PRR5L: variants seen among roughly 807,000 people sequenced by gnomAD.
PRR5L encodes proline rich 5 like.
Under a neutral mutation model 36.4 loss-of-function variants are expected in PRR5L, and 21 were observed. That is an observed-to-expected ratio of 0.58 (90% CI 0.41 to 0.83). The LOEUF (loss-of-function observed/expected upper bound fraction) is 0.83. PRR5L is among the 40% of genes least tolerant of loss of function. The pLI, the probability that PRR5L is intolerant of heterozygous loss-of-function variation, is 0.00. For missense variants in PRR5L, 381 were observed against 473.3 expected (o/e 0.80, Z 1.81); for synonymous variants, 188 against 197.0 (o/e 0.95, Z 0.38).
intron 2 of PRR5L, among the ~76,000 whole-genome samples, chr11:36,401,688 C>T (rs1260079809): frequency 6.6e-6 from 1 of 152,176 alleles, no homozygotes; most frequent in Non-Finnish European, 1.5e-5. Flanking sequence ...CCACCTCGGC[C>T]TTCCAAAGCG....
At position 36,448,156 on chromosome 11, in the gene PRR5L, C is replaced by T. The variant is rs115066747; in HGVS notation, c.585+1716C>T. Among the ~76,000 whole-genome samples the T allele has an allele frequency of 8.7e-3, 1,325 of 152,164 alleles. 22 individuals carry two copies. The highest frequency in any genetic ancestry group is 0.029 in the African/African-American group (1,205 of 41,492). On this transcript the variant is annotated intron_variant, in intron 7 of 8. Coordinates refer to ENST00000530639, the MANE Select transcript of PRR5L (RefSeq NM_001160167.2). Reference sequence around the variant, plus strand: ...CTGTGTCTATCACATTCCAACATTCCGGGCCCTGTGCCAGGTAGCCCTGCA... The same window carrying T: ...CTGTGTCTATCACATTCCAACATTCTGGGCCCTGTGCCAGGTAGCCCTGCA...
At chr11:36,300,438 C>T (rs907113815) in intron 1 of PRR5L, among the ~76,000 whole-genome samples, 2 of 152,250 alleles carry the variant, frequency 1.3e-5, no homozygotes, top group South Asian at 2.1e-4. Flanking sequence ...GATCTGCCCC[C>T]GTGACCCAAA....
intron 1 of PRR5L, among the ~76,000 whole-genome samples, chr11:36,365,860 T>C (rs987313418): frequency 1.3e-5 from 2 of 152,204 alleles, no homozygotes; most frequent in Non-Finnish European, 2.9e-5. Flanking sequence ...GAGAGTTCTT[T>C]GTGAAGGGCA....
rs566902988 is a variant in PRR5L at position 36,359,705 on chromosome 11, A to G, written c.-125-41292A>G. The stretch of plus-strand genomic sequence containing the variant: ...ATCAACAGAGACAGAGACGGGATAA[A>G]TCCAGACTGGTCTATAACAGAAACT... On this transcript the variant is annotated intron_variant, in intron 1 of 8. Coordinates refer to ENST00000530639, the MANE Select transcript of PRR5L (RefSeq NM_001160167.2). 1.1e-3 allele frequency among the ~76,000 whole-genome samples: 173 copies of G among 152,334 alleles called. 1 individual carries two copies. Among genetic ancestry groups the G allele is most frequent in the African/African-American group, 4.1e-3 (172 of 41,584 alleles).
At chr11:36,440,589 G>A (rs1461171064) in intron 6 of PRR5L, among the ~76,000 whole-genome samples, 1 of 152,190 alleles carries the variant, frequency 6.6e-6, no homozygotes, top group Non-Finnish European at 1.5e-5. Flanking sequence ...GGGAGGGGGA[G>A]CAGCGCCAAA....
intron 8 of PRR5L, among the ~76,000 whole-genome samples, chr11:36,456,374 C>T (rs1037140314): frequency 2.6e-5 from 4 of 152,114 alleles, no homozygotes; most frequent in Admixed American, 1.3e-4. Context: ...TGAGCTTGCT[C>T]GTTGAGAGCA....
chr11:36,363,116 G>A (rs1352307647), intron 1 of PRR5L, among the ~76,000 whole-genome samples: 1 of 152,198 alleles, frequency 6.6e-6, no homozygotes, highest in Non-Finnish European at 1.5e-5. Flanking sequence ...CCAGACCACA[G>A]GCATCTCAGT....
chr11:36,437,907 G>A lies in PRR5L; in HGVS notation c.444+431G>A, dbSNP rs114001909. Among the ~76,000 whole-genome samples, 911 of 152,086 alleles carry A rather than the reference G, an allele frequency of 6.0e-3. 7 individuals carry two copies. Among genetic ancestry groups the A allele is most frequent in the African/African-American group, 0.021 (862 of 41,490 alleles). On this transcript the variant is annotated intron_variant, in intron 6 of 8. Coordinates refer to ENST00000530639, the MANE Select transcript of PRR5L (RefSeq NM_001160167.2). ...CCGTCACATTCAAATTATGAAAAAG[G>A]AGTAACATTCCGTGTTCCTCTGTAA...
rs187082737 is a variant in PRR5L at position 36,374,213 on chromosome 11, G to A, written c.-125-26784G>A. On this transcript the variant is annotated intron_variant, in intron 1 of 8. Transcript: ENST00000530639. ...CAGGTTCAAGCAATTCTCTGCCTCA[G>A]TCTCCAGAGTACTTGGGATTACAGG... Among the ~76,000 whole-genome samples, 379 of 151,916 alleles carry A rather than the reference G, an allele frequency of 2.5e-3. 2 individuals carry two copies. Among genetic ancestry groups the A allele is most frequent in the African/African-American group, 8.7e-3 (360 of 41,394 alleles).
intron 3 of PRR5L, among the ~76,000 whole-genome samples, chr11:36,403,622 G>A (rs1024526432): frequency 3.3e-5 from 5 of 152,148 alleles, no homozygotes; most frequent in Admixed American, 1.3e-4. Flanking sequence ...AAGGGGTGGA[G>A]AGTTGATAGA....
At chr11:36,437,265 G>A in intron 5 of PRR5L, 120 bp from the exon 6 acceptor site, 1 of 789,396 alleles carries the variant, frequency 1.3e-6, no homozygotes, top group South Asian at 1.3e-5. Flanking sequence ...GCTCCTGGCT[G>A]CAAGTTTTTT....
At chr11:36,453,467 G>T (rs1223805211) in intron 8 of PRR5L, among the ~76,000 whole-genome samples, 1 of 152,208 alleles carries the variant, frequency 6.6e-6, no homozygotes, top group Admixed American at 6.5e-5. Flanking sequence ...AAGACTCAAG[G>T]TTTTATTCTT....
intron 1 of PRR5L, among the ~76,000 whole-genome samples, chr11:36,318,847 G>A (rs886484996): frequency 2.0e-5 from 3 of 152,066 alleles, no homozygotes; most frequent in Non-Finnish European, 4.4e-5. Context: ...CCAAAAAGAA[G>A]GTTTCAATTA....
At chr11:36,379,025 A>G (rs1857324426) in intron 1 of PRR5L, among the ~76,000 whole-genome samples, 1 of 152,218 alleles carries the variant, frequency 6.6e-6, no homozygotes, top group Admixed American at 6.5e-5. Flanking sequence ...TTTATTTTCA[A>G]AATTTCACAG....
At chr11:36,308,732 G>A (rs998071098) in intron 1 of PRR5L, among the ~76,000 whole-genome samples, 1 of 152,132 alleles carries the variant, frequency 6.6e-6, no homozygotes, top group Non-Finnish European at 1.5e-5. Flanking sequence ...TCTGGGCTTG[G>A]GCATTGACTT....
intron 1 of PRR5L, among the ~76,000 whole-genome samples, chr11:36,360,113 A>C (rs11033572): frequency 0.41 from 61,988 of 151,218 alleles, 13,485 homozygotes; most frequent in East Asian, 0.75. Flanking sequence ...AAAACAGAAA[A>C]CTTATGTTCT....
At position 36,462,622 on chromosome 11, in the gene PRR5L, G is replaced by A. The variant is rs371058952; in HGVS notation, c.993G>A (p.Pro331=). ...TGCTCCTGCCACCCAGCTTCCCCCCGCCCCACCGGCAGTGCTCCAGTGAGC... is the reference window on the plus strand; with the variant it reads ...TGCTCCTGCCACCCAGCTTCCCCCCACCCCACCGGCAGTGCTCCAGTGAGC... The part of the protein sequence containing the change: ...KCLLLPPSFP[P]PHRQCSSEPN... Residue 331 remains proline, a synonymous_variant, in exon 9 of 9, where the codon CCG becomes CCA. Coordinates refer to ENST00000530639, the MANE Select transcript of PRR5L (RefSeq NM_001160167.2). 78 of 1,612,216 alleles carry A rather than the reference G, an allele frequency of 4.8e-5. No homozygotes were observed. The highest frequency in any genetic ancestry group is 6.3e-5 in the Non-Finnish European group (74 of 1,179,886).
chr11:36,391,941 T>C (rs923756126), intron 1 of PRR5L, among the ~76,000 whole-genome samples: 1 of 152,232 alleles, frequency 6.6e-6, no homozygotes, highest in Non-Finnish European at 1.5e-5. Flanking sequence ...TTTTTACCCA[T>C]TTAACATCCC....
In PRR5L at chr11:36,311,707, G is replaced by A. The variant is rs532686703; in HGVS notation, c.-126+15269G>A. Reference sequence around the variant, plus strand: ...ATCTTTTCACACAGGGGCTTTTGCTGAATGTTTTGCTTTTTTACTCTGAGA... The same window carrying A: ...ATCTTTTCACACAGGGGCTTTTGCTAAATGTTTTGCTTTTTTACTCTGAGA... On this transcript the variant is annotated intron_variant, in intron 1 of 8. Transcript: ENST00000530639. Among the ~76,000 whole-genome samples the A allele has an allele frequency of 2.0e-5, 3 of 152,274 alleles. No individual in the cohort carries two copies. The South Asian group carries it at 6.2e-4, about 32-fold the overall frequency.
Sources: gnomAD v4.1 joint callset for allele counts (sites outside exome capture counted in the v4.1 genomes callset) on GRCh38, gnomAD v4.1.1 for gene constraint, MANE v1.5 for transcripts, NCBI Gene and HGNC (gene_info 2026-07-23, HGNC 2026-07-21) for gene names.